Variants in TPO observed in about 807,000 individuals in gnomAD.
TPO encodes thyroid microsomal antigen.
Under a neutral mutation model 96.9 loss-of-function variants are expected in TPO, and 78 were observed. The observed-to-expected ratio is 0.81, with a 90% CI of 0.67 to 0.97. TPO has a LOEUF of 0.97. Ranked by LOEUF, TPO falls within the 50% of genes least tolerant of loss-of-function variation. The pLI, the probability that TPO is intolerant of heterozygous loss-of-function variation, is 0.00. For missense variants in TPO, 1,252 were observed against 1,274.8 expected (o/e 0.98, Z 0.27); for synonymous variants, 547 against 538.0 (o/e 1.02, Z -0.23).
chr2:1,527,700 A>G (rs1573570022), intron 15 of TPO, among the ~76,000 whole-genome samples: 1 of 89,570 alleles, frequency 1.1e-5, no homozygotes. Context: ...GTGGGCAACC[A>G]CACAAAATCC....
In TPO at chr2:1,529,119, G is replaced by A. The variant is rs1337263664; in HGVS notation, c.2619-11475G>A. Among the ~76,000 whole-genome samples the A allele has an allele frequency of 2.7e-4, 25 of 91,660 alleles. 1 individual carries two copies. The highest frequency in any genetic ancestry group is 9.9e-4 in the South Asian group (3 of 3,016). The allele number at this position is 91,660 out of a possible 152,430, so 60.1% of individuals were successfully genotyped here. A position where few individuals can be genotyped will look rare whatever the true frequency, so the allele number is the denominator to read the frequency against. On this transcript the variant is annotated intron_variant, in intron 15 of 16. Transcript: ENST00000329066. ...ACCTCTCCAAATCCCCCCACTGTGT[G>A]CAACCTCCCCGAATCCCCCCACTGT...
At chr2:1,476,086 C>T (rs7596885) in intron 7 of TPO, among the ~76,000 whole-genome samples, 83,506 of 152,192 alleles carry the variant, frequency 0.55, 23,168 homozygotes, top group African/African-American at 0.65. Context: ...CCAGGTCTTC[C>T]GTTCCTTCCT....
chr2:1,377,939 T>C (rs1478594121), intron 1 of TPO, among the ~76,000 whole-genome samples: 3 of 152,186 alleles, frequency 2.0e-5, no homozygotes, highest in Non-Finnish European at 4.4e-5. Flanking sequence ...TTTCCACTTG[T>C]GGTGGGAGGG....
intron 1 of TPO, among the ~76,000 whole-genome samples, chr2:1,382,088 A>T (rs1234384075): frequency 6.6e-6 from 1 of 152,072 alleles, no homozygotes; most frequent in Non-Finnish European, 1.5e-5. Context: ...AAGCTCCCTG[A>T]TGCATTAAAC....
At chr2:1,440,549 C>A (rs1393350777) in intron 5 of TPO, among the ~76,000 whole-genome samples, 1 of 151,920 alleles carries the variant, frequency 6.6e-6, no homozygotes, top group African/African-American at 2.4e-5. Context: ...GAGAAGGGGG[C>A]AGGCTGCTTC....
At chr2:1,533,871 T>A (rs1678908947) in intron 15 of TPO, among the ~76,000 whole-genome samples, 2 of 74,454 alleles carry the variant, frequency 2.7e-5, no homozygotes, top group South Asian at 5.8e-4. Flanking sequence ...CCTCCCCAAA[T>A]CCCCCCCACT....
chr2:1,474,653 G>T (rs532127851), intron 7 of TPO, among the ~76,000 whole-genome samples: 90 of 152,276 alleles, frequency 5.9e-4, no homozygotes, highest in Non-Finnish European at 1.2e-3. Context: ...AAAAGCTGTG[G>T]TTATTTCTAT....
At chr2:1,406,635 A>C (rs1662254405) in intron 1 of TPO, among the ~76,000 whole-genome samples, 1 of 152,158 alleles carries the variant, frequency 6.6e-6, no homozygotes, top group South Asian at 2.1e-4. Context: ...CCTCTCTATT[A>C]ATCTCACTTA....
In TPO at chr2:1,432,666, T is replaced by C. The variant is rs878981751; in HGVS notation, c.180-772T>C. On this transcript the variant is annotated intron_variant, in intron 3 of 16. Transcript: ENST00000329066. Reference sequence around the variant, plus strand: ...CTGCAGGTGAGGAGAGGCCTGCAGGTGGGGTGAGGCCTGCAGGTGGGGTGA... The same window carrying C: ...CTGCAGGTGAGGAGAGGCCTGCAGGCGGGGTGAGGCCTGCAGGTGGGGTGA... Among the ~76,000 whole-genome samples the C allele has an allele frequency of 1.4e-3, 99 of 69,782 alleles. 2 individuals are homozygous for C. The highest frequency in any genetic ancestry group is 0.01 in the East Asian group (25 of 2,436). 45.8% of individuals were successfully genotyped at this position (69,782 alleles called of 152,430 possible). A position where few individuals can be genotyped will look rare whatever the true frequency, so the allele number is the denominator to read the frequency against.
At chr2:1,479,774 C>T (rs770301697) in intron 8 of TPO, among the ~76,000 whole-genome samples, 41 of 141,074 alleles carry the variant, frequency 2.9e-4, no homozygotes, top group South Asian at 6.9e-4. Context: ...TCCTCCTCTT[C>T]TTCTTCTCCT....
At chr2:1,449,301 A>C (rs780981877) in intron 5 of TPO, among the ~76,000 whole-genome samples, 2 of 152,208 alleles carry the variant, frequency 1.3e-5, no homozygotes, top group African/African-American at 2.4e-5. Flanking sequence ...TGTGTTAAAA[A>C]CACCTCATAT....
intron 2 of TPO, among the ~76,000 whole-genome samples, chr2:1,418,056 G>A (rs528587668): frequency 5.3e-5 from 8 of 152,232 alleles, no homozygotes; most frequent in Non-Finnish European, 1.2e-4. Flanking sequence ...GCCGAGGCGG[G>A]AAGATCACTT....
intron 5 of TPO, among the ~76,000 whole-genome samples, chr2:1,450,664 C>T (rs892078290): frequency 6.6e-6 from 1 of 152,094 alleles, no homozygotes; most frequent in Non-Finnish European, 1.5e-5. Context: ...GACACATTTG[C>T]GGAGGGTCCA....
intron 5 of TPO, among the ~76,000 whole-genome samples, chr2:1,443,934 T>G (rs28420122): frequency 8.7e-6 from 1 of 114,404 alleles, no homozygotes; most frequent in Non-Finnish European, 1.7e-5. Flanking sequence ...GATCCAGTCA[T>G]TGCTGCAGGA....
chr2:1,453,904 T>G (rs948626825), intron 6 of TPO, 81 bp downstream of exon 6: 17 of 1,597,408 alleles, frequency 1.1e-5, no homozygotes, highest in Non-Finnish European at 1.4e-5. Context: ...TTTACTGGGT[T>G]CTTGCTCGTG....
intron 1 of TPO, among the ~76,000 whole-genome samples, chr2:1,377,230 C>T (rs762750386): frequency 5.3e-5 from 8 of 152,298 alleles, no homozygotes; most frequent in Non-Finnish European, 1.2e-4. Context: ...TAGATCAGCA[C>T]CTCTGGTTAT....
intron 5 of TPO, among the ~76,000 whole-genome samples, chr2:1,450,940 C>A (rs1181341581): frequency 6.6e-6 from 1 of 152,184 alleles, no homozygotes; most frequent in East Asian, 1.9e-4. Context: ...GCATTACTCT[C>A]CCATACATTT....
chr2:1,429,920 C>T (rs536025071), intron 3 of TPO, among the ~76,000 whole-genome samples: 1 of 152,284 alleles, frequency 6.6e-6, no homozygotes, highest in East Asian at 1.9e-4. Context: ...AGAGCATAAA[C>T]ATTTGGAAAA....
At chr2:1,451,910 A>C (rs1667335905) in intron 5 of TPO, among the ~76,000 whole-genome samples, 2 of 152,184 alleles carry the variant, frequency 1.3e-5, no homozygotes, top group African/African-American at 4.8e-5. Context: ...CAAATGTAGA[A>C]TATTTTATAC....
Sources: gnomAD v4.1 joint callset for allele counts (sites outside exome capture counted in the v4.1 genomes callset) on GRCh38, gnomAD v4.1.1 for gene constraint, MANE v1.5 for transcripts, NCBI Gene and HGNC (gene_info 2026-07-23, HGNC 2026-07-21) for gene names.